The following SCGN variants were observed in gnomAD, a reference collection of about 807,000 sequenced individuals.
SCGN encodes the protein secretagogin, EF-hand calcium binding protein.
A neutral mutation model predicts 39.7 loss-of-function variants in SCGN; 30 were observed. The ratio of observed to expected loss-of-function variants is 0.76; its 90% CI spans 0.57 to 1.03. The LOEUF is 1.03. Among genes scored for constraint, SCGN ranks in the 50% least tolerant of loss-of-function variants. The pLI, the probability that SCGN is intolerant of heterozygous loss-of-function variation, is 0.00. For synonymous variants in SCGN, 106 were observed against 114.1 expected, an observed-to-expected ratio of 0.93 and a Z score of 0.45; for missense variants, 353 against 349.4, an observed-to-expected ratio of 1.01 and a Z score of -0.08.
chr6:25,667,340 T>A (rs187802442), intron 4 of SCGN, among the ~76,000 whole-genome samples: 5 of 152,316 alleles, frequency 3.3e-5, no homozygotes, highest in African/African-American at 1.2e-4. Context: ...TTTCCCTTTC[T>A]GTACCCAACT....
At chr6:25,685,881 C>T (rs1759700200) in intron 7 of SCGN, among the ~76,000 whole-genome samples, 1 of 152,160 alleles carries the variant, frequency 6.6e-6, no homozygotes, top group African/African-American at 2.4e-5. Context: ...ATACCCAGTA[C>T]ACATCAGCAG....
chr6:25,668,819 TAA>T (rs1759436193), intron 4 of SCGN, among the ~76,000 whole-genome samples: 1 of 152,152 alleles, frequency 6.6e-6, no homozygotes, highest in African/African-American at 2.4e-5. Context: ...GCTATGTAAT[TAA>T]AAGTTATTGG....
intron 6 of SCGN, among the ~76,000 whole-genome samples, chr6:25,679,610 G>A (rs2151380608): frequency 6.6e-6 from 1 of 152,272 alleles, no homozygotes; most frequent in Non-Finnish European, 1.5e-5. Flanking sequence ...GTCAGGACTA[G>A]GCTTATATCT....
intron 6 of SCGN, among the ~76,000 whole-genome samples, chr6:25,672,971 C>A (rs1271796651): frequency 6.6e-6 from 1 of 152,160 alleles, no homozygotes; most frequent in Non-Finnish European, 1.5e-5. Flanking sequence ...ACCCCACTAG[C>A]CTGTGACTCC....
intron 2 of SCGN, among the ~76,000 whole-genome samples, chr6:25,659,202 G>T (rs1366069584): frequency 6.6e-6 from 1 of 152,036 alleles, no homozygotes; most frequent in East Asian, 1.9e-4. Context: ...AAACCTTCAG[G>T]GTCTTATAAT....
At chr6:25,698,354 GAAAAC>G (rs1007618335) in intron 10 of SCGN, among the ~76,000 whole-genome samples, 18 of 152,186 alleles carry the variant, frequency 1.2e-4, no homozygotes, top group Admixed American at 2.6e-4. Context: ...TCTTCAATTA[GAAAAC>G]AAAACAAAAC....
chr6:25,664,928 T>G lies in SCGN; in HGVS notation c.247-15T>G, dbSNP rs764262398. The stretch of plus-strand genomic sequence containing the variant: ...TGGCCAGTGTCCCTGACTGTTATTC[T>G]TTCTGTTCCTTCAGCTTGCTGGTAT... On this transcript the variant is annotated splice_polypyrimidine_tract_variant and intron_variant, in intron 3 of 10. Coordinates refer to ENST00000377961, the MANE Select transcript of SCGN (RefSeq NM_006998.4). 7 of 1,607,094 alleles carry G rather than the reference T, an allele frequency of 4.4e-6. No individual in the cohort carries two copies.
Position 25,653,231 on chromosome 6 carries a change from A to G in SCGN, c.83-151A>G, listed in dbSNP as rs996320257. On this transcript the variant is annotated intron_variant, in intron 1 of 10. Transcript: ENST00000377961. Reference sequence around the variant, plus strand: ...TTTACTGTTCAAACCCATGTATTCTAGAGGTAGGTGTTGGCACTTTGTTAT... The same window carrying G: ...TTTACTGTTCAAACCCATGTATTCTGGAGGTAGGTGTTGGCACTTTGTTAT... 2.2e-5 allele frequency: 13 copies of G among 600,400 alleles called. No individual in the cohort carries two copies. The African/African-American group carries it at 2.2e-4, about 10-fold the overall frequency. The allele number at this position is 600,400 out of a possible 1,614,324, so 37.2% of individuals were successfully genotyped here. A position where few individuals can be genotyped will look rare whatever the true frequency, so the allele number is the denominator to read the frequency against.
In SCGN at chr6:25,681,267, A is replaced by C. The variant is rs186620649; in HGVS notation, c.472-684A>C. On this transcript the variant is annotated intron_variant, in intron 6 of 10. Transcript: ENST00000377961. ...TGTCAACACCTTTTGCCTTCACGGAAACATGAGGTTTCTCCTATACCCTAT... is the reference window on the plus strand; with the variant it reads ...TGTCAACACCTTTTGCCTTCACGGACACATGAGGTTTCTCCTATACCCTAT... Among the ~76,000 whole-genome samples, 27 of 152,326 alleles carry C rather than the reference A, an allele frequency of 1.8e-4. No individual in the cohort carries two copies. In the East Asian group the frequency reaches 4.4e-3, roughly 25 times the overall value.
At chr6:25,684,924 A>G (rs1430192524) in intron 7 of SCGN, among the ~76,000 whole-genome samples, 2 of 150,908 alleles carry the variant, frequency 1.3e-5, no homozygotes, top group African/African-American at 5.0e-5. Flanking sequence ...TTGCTAATCA[A>G]TAGACTTTAA....
intron 3 of SCGN, among the ~76,000 whole-genome samples, chr6:25,662,279 C>G (rs188872208): frequency 1.3e-5 from 2 of 152,112 alleles, no homozygotes; most frequent in Non-Finnish European, 2.9e-5. Context: ...ATTGTATTCC[C>G]ATAGTAGTTA....
chr6:25,675,045 A>C (rs1759547045), intron 6 of SCGN, among the ~76,000 whole-genome samples: 2 of 152,210 alleles, frequency 1.3e-5, no homozygotes, highest in Non-Finnish European at 2.9e-5. Flanking sequence ...AATAAAAAGA[A>C]AGAGAAATAA....
In SCGN at chr6:25,701,490, G is replaced by A. The variant is rs11794; in HGVS notation, c.*155G>A. 0.3 allele frequency: 256,165 copies of A among 850,944 alleles called. 44,233 individuals are homozygous for A. The highest frequency in any genetic ancestry group is 0.71 in the East Asian group (25,655 of 36,326). The allele number at this position is 850,944 out of a possible 1,614,324, so 52.7% of individuals were successfully genotyped here. On this transcript the variant is annotated 3_prime_UTR_variant, in exon 11 of 11. Coordinates refer to ENST00000377961, the MANE Select transcript of SCGN (RefSeq NM_006998.4). ...GGGACGCTAGGGCCTTCCTTCCACC[G>A]GCGTGATCTATCCCTGTCTCACTGA...
chr6:25,688,009 G>A (rs1489459871), intron 7 of SCGN, among the ~76,000 whole-genome samples: 1 of 151,922 alleles, frequency 6.6e-6, no homozygotes, highest in Non-Finnish European at 1.5e-5. Context: ...CCTTTCTGTT[G>A]TTAAAATTTT....
At chr6:25,670,145 T>C in intron 6 of SCGN, 69 bp downstream of exon 6, 1 of 1,075,066 alleles carries the variant, frequency 9.3e-7, no homozygotes, top group Non-Finnish European at 1.5e-6. Context: ...CCAGAAACAG[T>C]GTCTGCTAGA....
chr6:25,669,933 C>G, intron 5 of SCGN, 66 bp from the exon 6 acceptor site: 5 of 1,204,874 alleles, frequency 4.1e-6, no homozygotes, highest in Non-Finnish European at 6.1e-6. Context: ...TGAAATAAGG[C>G]CTTTTAAGAC....
chr6:25,656,455 G>A (rs1386861961), intron 2 of SCGN, among the ~76,000 whole-genome samples: 1 of 152,112 alleles, frequency 6.6e-6, no homozygotes, highest in Non-Finnish European at 1.5e-5. Context: ...GCCTCGGAGG[G>A]GATTGACTTA....
intron 10 of SCGN, among the ~76,000 whole-genome samples, chr6:25,700,969 G>A (rs937485285): frequency 3.3e-5 from 5 of 152,224 alleles, no homozygotes; most frequent in African/African-American, 1.2e-4. Context: ...CTGCAGGGAA[G>A]TGATGTGGAA....
At chr6:25,681,027 G>A (rs16890935) in intron 6 of SCGN, among the ~76,000 whole-genome samples, 4,203 of 152,258 alleles carry the variant, frequency 0.028, 65 homozygotes, top group Non-Finnish European at 0.046. Flanking sequence ...GCATTAAAAT[G>A]TTGTAAAGTC....
Sources: gnomAD v4.1 joint callset for allele counts (sites outside exome capture counted in the v4.1 genomes callset) on GRCh38, gnomAD v4.1.1 for gene constraint, MANE v1.5 for transcripts, NCBI Gene and HGNC (gene_info 2026-07-23, HGNC 2026-07-21) for gene names.